RALYL: variants seen among roughly 807,000 people sequenced by gnomAD.
The protein encoded by RALYL is RALY RNA binding protein like.
A neutral mutation model predicts 35.1 loss-of-function variants in RALYL; 29 were observed. The ratio of observed to expected loss-of-function variants is 0.83; its 90% CI spans 0.61 to 1.13. RALYL has a LOEUF of 1.13. RALYL is among the 50% of genes most tolerant of loss of function. The pLI is 0.00. For synonymous variants in RALYL, 120 were observed against 127.6 expected (o/e 0.94, Z 0.40); for missense variants, 359 against 360.4 (o/e 1.00, Z 0.03).
At chr8:84,920,848 TA>T (rs1563871694) in intron 8 of RALYL, 45 bp from the exon 9 acceptor site, 2 of 972,424 alleles carry the variant, frequency 2.1e-6, no homozygotes, top group Non-Finnish European at 3.0e-6. Flanking sequence ...CTATCAACAA[TA>T]AAACACAAAT....
At chr8:84,335,079 A>T (rs183471393) in intron 1 of RALYL, among the ~76,000 whole-genome samples, 1 of 152,236 alleles carries the variant, frequency 6.6e-6, no homozygotes. Context: ...GGGGAGAGGC[A>T]GGAGGGAGGG....
Position 84,491,096 on chromosome 8 carries a change from A to G in RALYL, c.-23-38203A>G, listed in dbSNP as rs563925803. On this transcript the variant is annotated intron_variant, in intron 1 of 8. Transcript: ENST00000521268. ...TGTTTCCTCTGTCTATATAAGTAAT[A>G]TATGCTAATTATTAAAAATGAAAAA... 3.3e-5 allele frequency among the ~76,000 whole-genome samples: 5 copies of G among 151,990 alleles called. No individual in the cohort carries two copies. The South Asian group carries it at 1.0e-3, about 31-fold the overall frequency.
At chr8:84,323,117 G>GGACTATAA (rs1184493512) in intron 1 of RALYL, among the ~76,000 whole-genome samples, 1 of 151,926 alleles carries the variant, frequency 6.6e-6, no homozygotes, top group Non-Finnish European at 1.5e-5. Context: ...ATAAGGGCAA[G>GGACTATAA]GACTATAACT....
At chr8:84,418,586 G>A (rs980259981) in intron 1 of RALYL, among the ~76,000 whole-genome samples, 1 of 151,816 alleles carries the variant, frequency 6.6e-6, no homozygotes, top group African/African-American at 2.4e-5. Flanking sequence ...TATTTTAATG[G>A]CTATGTTGTC....
intron 1 of RALYL, among the ~76,000 whole-genome samples, chr8:84,491,420 G>A (rs913100195): frequency 6.6e-6 from 1 of 151,932 alleles, no homozygotes; most frequent in Non-Finnish European, 1.5e-5. Flanking sequence ...TGCCTGAGGT[G>A]GGGTATATTC....
At chr8:84,602,671 A>G (rs147944847) in intron 2 of RALYL, among the ~76,000 whole-genome samples, 2 of 152,184 alleles carry the variant, frequency 1.3e-5, no homozygotes, top group East Asian at 1.9e-4. Flanking sequence ...CTATCCTATC[A>G]CTTGCATTCA....
intron 1 of RALYL, among the ~76,000 whole-genome samples, chr8:84,380,970 G>T (rs879338348): frequency 7.2e-5 from 11 of 151,840 alleles, no homozygotes; most frequent in Non-Finnish European, 1.5e-4. Context: ...GTGTGATTGT[G>T]TTCAGAAGGT....
intron 2 of RALYL, among the ~76,000 whole-genome samples, chr8:84,632,334 T>C (rs1824096531): frequency 6.6e-6 from 1 of 151,998 alleles, no homozygotes; most frequent in Non-Finnish European, 1.5e-5. Flanking sequence ...ACACATATCT[T>C]AGACTTCCAT....
intron 1 of RALYL, among the ~76,000 whole-genome samples, chr8:84,358,106 A>G (rs1378782395): frequency 6.6e-6 from 1 of 151,968 alleles, no homozygotes; most frequent in African/African-American, 2.4e-5. Context: ...CACTAAGTCA[A>G]ATAATGTCAA....
chr8:84,288,126 G>A (rs1838021909), intron 1 of RALYL, among the ~76,000 whole-genome samples: 2 of 152,178 alleles, frequency 1.3e-5, no homozygotes, highest in South Asian at 4.1e-4. Flanking sequence ...TTATGCAGAG[G>A]ACCAGGAGTA....
chr8:84,912,978 C>A (rs1173006588), intron 8 of RALYL, among the ~76,000 whole-genome samples: 1 of 144,802 alleles, frequency 6.9e-6, no homozygotes, highest in Non-Finnish European at 1.5e-5. Flanking sequence ...ACAGTGCAGA[C>A]CCAGGATGGA....
chr8:84,913,067 G>GATAT (rs1239207576), intron 8 of RALYL, among the ~76,000 whole-genome samples: 3 of 151,742 alleles, frequency 2.0e-5, no homozygotes, highest in African/African-American at 7.3e-5. Context: ...TAGATAGATA[G>GATAT]ATAGATAGAT....
chr8:84,312,379 C>T (rs1006139733), intron 1 of RALYL, among the ~76,000 whole-genome samples: 1 of 152,164 alleles, frequency 6.6e-6, no homozygotes, highest in Non-Finnish European at 1.5e-5. Context: ...ACCAGTCATG[C>T]CTTCCCAACA....
At chr8:84,217,099 C>T (rs1358244470) in intron 1 of RALYL, among the ~76,000 whole-genome samples, 1 of 152,160 alleles carries the variant, frequency 6.6e-6, no homozygotes, top group African/African-American at 2.4e-5. Context: ...AGCTTAGCCT[C>T]TGAGCTTGTG....
intron 1 of RALYL, among the ~76,000 whole-genome samples, chr8:84,369,773 G>A (rs1855295234): frequency 6.6e-6 from 1 of 152,072 alleles, no homozygotes; most frequent in South Asian, 2.1e-4. Context: ...AGTAGTTATA[G>A]GAAAGTGCTC....
At chr8:84,760,356 CA>C (rs1398724005) in intron 2 of RALYL, among the ~76,000 whole-genome samples, 2 of 152,010 alleles carry the variant, frequency 1.3e-5, no homozygotes, top group East Asian at 1.9e-4. Context: ...TTATGTTATA[CA>C]AATAATTTAT....
intron 8 of RALYL, among the ~76,000 whole-genome samples, chr8:84,912,284 G>A (rs1392289764): frequency 1.3e-5 from 2 of 151,982 alleles, no homozygotes; most frequent in Non-Finnish European, 2.9e-5. Context: ...AATGAAAGAT[G>A]CTCCTATCAC....
intron 2 of RALYL, among the ~76,000 whole-genome samples, chr8:84,630,041 G>A (rs1477198317): frequency 6.6e-6 from 1 of 151,936 alleles, no homozygotes; most frequent in Non-Finnish European, 1.5e-5. Flanking sequence ...TGATTACCAA[G>A]AGAAAACATC....
At chr8:84,467,451 CT>C (rs146283189) in intron 1 of RALYL, among the ~76,000 whole-genome samples, 52,719 of 151,612 alleles carry the variant, frequency 0.35, 9,457 homozygotes, top group South Asian at 0.52. Flanking sequence ...AGTTGAGCAG[CT>C]TTGAGTGGGA....
Sources: allele counts gnomAD v4.1 joint callset (sites outside exome capture counted in the v4.1 genomes callset), GRCh38; gene constraint gnomAD v4.1.1; transcripts MANE v1.5; gene names NCBI Gene and HGNC (gene_info 2026-07-23, HGNC 2026-07-21).